Variants in ABCA1 observed in about 807,000 individuals in gnomAD.
ABCA1 encodes the protein phospholipid-transporting ATPase ABCA1.
Under a neutral mutation model 262.5 loss-of-function variants are expected in ABCA1, and 133 were observed. The ratio of observed to expected loss-of-function variants is 0.51; its 90% CI spans 0.44 to 0.59. The LOEUF is 0.59. Ranked by LOEUF, ABCA1 falls within the 20% of genes least tolerant of loss-of-function variation. ABCA1 has a pLI of 0.00. For missense variants in ABCA1, 2,452 were observed against 2,777.5 expected, an observed-to-expected ratio of 0.88 and a Z score of 2.63; for synonymous variants, 1,022 against 1,043.5, an observed-to-expected ratio of 0.98 and a Z score of 0.40.
chr9:104,837,612 A>G (rs745503375), intron 9 of ABCA1, 45 bp from the exon 10 acceptor site: 6 of 1,607,954 alleles, frequency 3.7e-6, no homozygotes, highest in East Asian at 2.2e-5. Flanking sequence ...ATGGTCATAT[A>G]CTGATAGAAA....
At chr9:104,833,748 CT>C (rs1206086566) in intron 11 of ABCA1, among the ~76,000 whole-genome samples, 1 of 152,176 alleles carries the variant, frequency 6.6e-6, no homozygotes, top group African/African-American at 2.4e-5. Flanking sequence ...AAAGTACAAT[CT>C]TTTCCAATTG....
chr9:104,861,421 T>A, intron 6 of ABCA1: 1 of 599,942 alleles, frequency 1.7e-6, no homozygotes, highest in East Asian at 2.8e-5. Flanking sequence ...GAGGAAATCA[T>A]CACAAATGCC....
chr9:104,819,931 C>T lies in ABCA1; in HGVS notation c.3099G>A (p.Leu1033=), dbSNP rs144726669. 1.2e-6 allele frequency: 2 copies of T among 1,613,202 alleles called. No individual in the cohort carries two copies. The highest frequency in any genetic ancestry group is 1.7e-6 in the Non-Finnish European group (2 of 1,179,952). Reference sequence around the variant, plus strand: ...GAAGGTAGCTCTGGGCCGCACCTGACAGCTGGCTTGTTTTGCTTTTCAGCT... The same window carrying T: ...GAAGGTAGCTCTGGGCCGCACCTGATAGCTGGCTTGTTTTGCTTTTCAGCT... ...SSKLKSKTSQ[L]SGGMQRKLSV... Residue 1033 remains leucine, a synonymous_variant, in exon 21 of 50, where the codon CTG becomes CTA. Transcript: ENST00000374736.
intron 1 of ABCA1, among the ~76,000 whole-genome samples, chr9:104,918,012 A>G (rs1287484849): frequency 6.6e-6 from 1 of 152,228 alleles, no homozygotes; most frequent in Non-Finnish European, 1.5e-5. Context: ...AAATATATTG[A>G]TGATTACAAA....
At chr9:104,899,545 T>C (rs997981643) in intron 2 of ABCA1, among the ~76,000 whole-genome samples, 11 of 151,862 alleles carry the variant, frequency 7.2e-5, no homozygotes, top group African/African-American at 2.7e-4. Flanking sequence ...AATACAAAAA[T>C]TAGCCAGGCG....
intron 9 of ABCA1, among the ~76,000 whole-genome samples, chr9:104,838,822 T>C (rs1020482973): frequency 1.2e-4 from 19 of 152,068 alleles, no homozygotes. Context: ...ATTTTTTTTT[T>C]TTTAATGAGG....
At chr9:104,883,314 C>G (rs898108174) in intron 4 of ABCA1, among the ~76,000 whole-genome samples, 157 bp from the exon 5 acceptor site, 6 of 152,154 alleles carry the variant, frequency 3.9e-5, no homozygotes, top group Non-Finnish European at 8.8e-5. Flanking sequence ...CACCCAGCTC[C>G]ATTCATCACC....
intron 5 of ABCA1, among the ~76,000 whole-genome samples, chr9:104,874,358 G>C (rs559910996): frequency 3.3e-5 from 5 of 152,104 alleles, no homozygotes; most frequent in Non-Finnish European, 7.3e-5. Context: ...TTCAAAGATG[G>C]TCAGGAGTTC....
intron 2 of ABCA1, among the ~76,000 whole-genome samples, chr9:104,890,546 A>G (rs1290311964): frequency 6.6e-6 from 1 of 151,808 alleles, no homozygotes; most frequent in East Asian, 1.9e-4. Context: ...GTGCCACTGT[A>G]CTCCAGCTGG....
chr9:104,846,093 A>T (rs571333146), intron 7 of ABCA1, among the ~76,000 whole-genome samples: 1 of 152,388 alleles, frequency 6.6e-6, no homozygotes, highest in Non-Finnish European at 1.5e-5. Context: ...AGTTTTAGTC[A>T]AATCTTTATA....
chr9:104,876,780 G>T (rs575742206), intron 5 of ABCA1, among the ~76,000 whole-genome samples: 15 of 152,314 alleles, frequency 9.8e-5, no homozygotes, highest in African/African-American at 3.6e-4. Flanking sequence ...AGGGGGCACA[G>T]CGATGGCAGG....
chr9:104,905,082 T>C (rs573271384), intron 1 of ABCA1, among the ~76,000 whole-genome samples: 1 of 152,284 alleles, frequency 6.6e-6, no homozygotes, highest in East Asian at 1.9e-4. Context: ...AGGTGAAAAT[T>C]CGGCCCTGCT....
intron 1 of ABCA1, among the ~76,000 whole-genome samples, chr9:104,922,384 T>C (rs928624138): frequency 3.3e-5 from 5 of 152,218 alleles, no homozygotes; most frequent in African/African-American, 4.8e-5. Context: ...TTTGATAGTC[T>C]GACAAAGTCT....
intron 1 of ABCA1, among the ~76,000 whole-genome samples, chr9:104,916,755 C>T (rs1841868835): frequency 6.6e-6 from 1 of 152,210 alleles, no homozygotes; most frequent in Non-Finnish European, 1.5e-5. Context: ...TCTGGGCTCA[C>T]TGCAACTTCA....
chr9:104,878,735 G>A (rs565044475), intron 5 of ABCA1, among the ~76,000 whole-genome samples: 1 of 152,264 alleles, frequency 6.6e-6, no homozygotes, highest in East Asian at 1.9e-4. Flanking sequence ...ATCTATAAAT[G>A]AACTAACTGG....
intron 40 of ABCA1, 28 bp from the exon 41 acceptor site, chr9:104,793,328 C>T: frequency 6.2e-7 from 1 of 1,613,984 alleles, no homozygotes; most frequent in Non-Finnish European, 8.5e-7. Context: ...GAGATCCGGT[C>T]AGAATGGAGG....
intron 7 of ABCA1, chr9:104,855,807 T>A: frequency 6.3e-7 from 1 of 1,590,908 alleles, no homozygotes; most frequent in Non-Finnish European, 8.6e-7. Flanking sequence ...TTTCCCCATG[T>A]TGCCAAAACA....
At chr9:104,807,799 C>G (rs903981903) in intron 30 of ABCA1, among the ~76,000 whole-genome samples, 1 of 145,210 alleles carries the variant, frequency 6.9e-6, no homozygotes, top group African/African-American at 2.6e-5. Flanking sequence ...GGCAACAGAG[C>G]GAGACTCCAT....
chr9:104,792,754 A>C, intron 42 of ABCA1, 32 bp downstream of exon 42: 1 of 1,613,958 alleles, frequency 6.2e-7, no homozygotes, highest in Non-Finnish European at 8.5e-7. Context: ...AAAAAAACTG[A>C]AGATGAGCTA....
Sources: allele counts gnomAD v4.1 joint callset (sites outside exome capture counted in the v4.1 genomes callset), GRCh38; gene constraint gnomAD v4.1.1; transcripts MANE v1.5; gene names NCBI Gene and HGNC (gene_info 2026-07-23, HGNC 2026-07-21).